The following CDH13 variants were observed in gnomAD, a reference collection of about 807,000 sequenced individuals.
CDH13 encodes the protein cadherin 13.
A neutral mutation model predicts 63.8 loss-of-function variants in CDH13; 24 were observed. The observed-to-expected ratio is 0.38, with a 90% CI of 0.27 to 0.53. The LOEUF is 0.53. CDH13 is among the 20% of genes least tolerant of loss of function. The pLI is 0.85. For synonymous variants in CDH13, 503 were observed against 355.3 expected, an observed-to-expected ratio of 1.42 and a Z score of -4.67; for missense variants, 1,049 against 903.1, an observed-to-expected ratio of 1.16 and a Z score of -2.07.
chr16:82,867,413 C>T (rs190497611), intron 2 of CDH13, among the ~76,000 whole-genome samples: 37 of 152,314 alleles, frequency 2.4e-4, no homozygotes, highest in Non-Finnish European at 4.4e-4. Context: ...CAAGCTCATC[C>T]TGTCTCTGTA....
chr16:83,427,489 C>A (rs151269746), intron 6 of CDH13, among the ~76,000 whole-genome samples: 1 of 152,308 alleles, frequency 6.6e-6, no homozygotes, highest in East Asian at 1.9e-4. Flanking sequence ...ACCAGCCCCA[C>A]TAACACCTTG....
intron 4 of CDH13, among the ~76,000 whole-genome samples, chr16:83,176,822 G>A (rs1011072514): frequency 4.6e-5 from 7 of 152,068 alleles, no homozygotes; most frequent in Non-Finnish European, 1.0e-4. Context: ...TCTGAGTGCC[G>A]GATTGTAGCT....
intron 2 of CDH13, among the ~76,000 whole-genome samples, chr16:82,942,342 CTG>C (rs1904298955): frequency 6.6e-6 from 1 of 152,314 alleles, no homozygotes; most frequent in Admixed American, 6.5e-5. Flanking sequence ...TATTTCCGCA[CTG>C]TCTTTCCCTG....
rs1555562589 is a variant in CDH13 at position 83,014,778 on chromosome 16, A to ATATATATTTG, written c.158-17225_158-17224insTTGTATATAT. Among the ~76,000 whole-genome samples, 8 of 113,820 alleles carry ATATATATTTG rather than the reference A, an allele frequency of 7.0e-5. No homozygotes were observed. The South Asian group carries it at 8.4e-4, about 12-fold the overall frequency. 74.7% of individuals were successfully genotyped at this position (113,820 alleles called of 152,430 possible). On this transcript the variant is annotated intron_variant, in intron 2 of 13. Coordinates refer to ENST00000567109, the MANE Select transcript of CDH13 (RefSeq NM_001257.5). The stretch of plus-strand genomic sequence containing the variant: ...TATATATATATATATATATATATGT[A>ATATATATTTG]TATATATATATTTGTATATATATAT...
chr16:83,634,162 G>GTGTGT (rs1380729155), intron 8 of CDH13, among the ~76,000 whole-genome samples: 1 of 117,794 alleles, frequency 8.5e-6, no homozygotes, highest in African/African-American at 3.2e-5. Flanking sequence ...TGTGTGTGTG[G>GTGTGT]TCCTACGCAT....
intron 1 of CDH13, among the ~76,000 whole-genome samples, chr16:82,815,798 T>C (rs994650214): frequency 6.6e-6 from 1 of 152,152 alleles, no homozygotes; most frequent in Non-Finnish European, 1.5e-5. Flanking sequence ...TTAATTTCAA[T>C]AATTTGAGGT....
chr16:83,297,727 G>C (rs542801800), intron 5 of CDH13, among the ~76,000 whole-genome samples: 1 of 152,208 alleles, frequency 6.6e-6, no homozygotes, highest in South Asian at 2.1e-4. Context: ...AACATGCCTG[G>C]CACATAGATG....
rs113684684 is a variant in CDH13, at chr16:82,980,230, C to T, written c.158-51780C>T. On this transcript the variant is annotated intron_variant, in intron 2 of 13. Coordinates refer to ENST00000567109, the MANE Select transcript of CDH13 (RefSeq NM_001257.5). ...AGAGATACAGCCAGCCCTCAGTGAC[C>T]CAGCAGGGAAGAAGCAAGGATAAAC... 3.9e-3 allele frequency among the ~76,000 whole-genome samples: 587 copies of T among 152,220 alleles called. 2 individuals carry two copies. Among genetic ancestry groups the T allele is most frequent in the African/African-American group, 0.014 (563 of 41,524 alleles).
At chr16:83,096,211 T>C (rs1235515444) in intron 3 of CDH13, among the ~76,000 whole-genome samples, 1 of 152,180 alleles carries the variant, frequency 6.6e-6, no homozygotes, top group African/African-American at 2.4e-5. Context: ...CTTGTGAATC[T>C]GGTAAAAGTT....
chr16:83,454,457 C>T (rs1371038801), intron 6 of CDH13, among the ~76,000 whole-genome samples: 1 of 152,214 alleles, frequency 6.6e-6, no homozygotes, highest in Non-Finnish European at 1.5e-5. Context: ...CTTTCCTTCT[C>T]ATCTGTGTCC....
In CDH13 at chr16:83,448,742, G is replaced by T. The variant is rs138379761; in HGVS notation, c.782-37735G>T. On this transcript the variant is annotated intron_variant, in intron 6 of 13. Transcript: ENST00000567109. ...CATGCCTGCAAGACAGCCCAGCTGGGGAAGGTGAACTTCAGTGGTGGGGAG... is the reference window on the plus strand; with the variant it reads ...CATGCCTGCAAGACAGCCCAGCTGGTGAAGGTGAACTTCAGTGGTGGGGAG... Among the ~76,000 whole-genome samples, 677 of 152,256 alleles carry T rather than the reference G, an allele frequency of 4.4e-3. 4 individuals carry two copies. Among genetic ancestry groups the T allele is most frequent in the Non-Finnish European group, 7.1e-3 (484 of 68,028 alleles).
chr16:83,136,576 T>G (rs903252203), intron 4 of CDH13, among the ~76,000 whole-genome samples: 11 of 150,684 alleles, frequency 7.3e-5, no homozygotes, highest in Non-Finnish European at 1.5e-4. Flanking sequence ...GAAGCATAGC[T>G]CACCATCCCC....
At chr16:83,283,162 C>T (rs577810086) in intron 5 of CDH13, among the ~76,000 whole-genome samples, 174 of 152,316 alleles carry the variant, frequency 1.1e-3, no homozygotes, top group Non-Finnish European at 2.2e-3. Flanking sequence ...ATTTTTAAAT[C>T]TTTAATTAGG....
chr16:83,322,669 G>C (rs1026145464), intron 5 of CDH13, among the ~76,000 whole-genome samples: 2 of 151,926 alleles, frequency 1.3e-5, no homozygotes, highest in Admixed American at 6.6e-5. Context: ...ATGAACTCTG[G>C]GACTGTCAAG....
intron 5 of CDH13, among the ~76,000 whole-genome samples, chr16:83,265,926 T>C (rs1426496363): frequency 6.6e-6 from 1 of 151,774 alleles, no homozygotes; most frequent in Non-Finnish European, 1.5e-5. Flanking sequence ...TCTGTAGTTA[T>C]TTTCGGTTTT....
chr16:83,353,262 C>G (rs1159575920), intron 6 of CDH13, among the ~76,000 whole-genome samples: 1 of 152,196 alleles, frequency 6.6e-6, no homozygotes, highest in Non-Finnish European at 1.5e-5. Context: ...TTGCTCCTAA[C>G]TATGTCTGAA....
chr16:83,511,648 T>C (rs535672155), intron 7 of CDH13, among the ~76,000 whole-genome samples: 1 of 152,224 alleles, frequency 6.6e-6, no homozygotes, highest in South Asian at 2.1e-4. Context: ...CAGTAAAAAT[T>C]CTGATATGAG....
intron 2 of CDH13, among the ~76,000 whole-genome samples, chr16:83,011,858 C>A (rs1914194211): frequency 6.6e-6 from 1 of 152,212 alleles, no homozygotes; most frequent in African/African-American, 2.4e-5. Flanking sequence ...ATCTACCTTT[C>A]TTTCTTAGAG....
intron 2 of CDH13, among the ~76,000 whole-genome samples, chr16:82,945,835 G>A: frequency 6.6e-6 from 1 of 152,122 alleles, no homozygotes; most frequent in African/African-American, 2.4e-5. Context: ...CCGTGTTAGA[G>A]AGTCAAGATA....
Sources: allele counts gnomAD v4.1 joint callset (sites outside exome capture counted in the v4.1 genomes callset), GRCh38; gene constraint gnomAD v4.1.1; transcripts MANE v1.5; gene names NCBI Gene and HGNC (gene_info 2026-07-23, HGNC 2026-07-21).